Variants in POU6F2 observed in about 807,000 individuals in gnomAD.
POU6F2 encodes POU class 6 homeobox 2.
A neutral mutation model predicts 71.3 loss-of-function variants in POU6F2; 31 were observed. That is an observed-to-expected ratio of 0.43 (90% CI 0.33 to 0.59). The LOEUF is 0.59. Ranked by LOEUF, POU6F2 falls within the 20% of genes least tolerant of loss-of-function variation. POU6F2 has a pLI of 0.04. For missense variants in POU6F2, 783 were observed against 856.8 expected, an observed-to-expected ratio of 0.91 and a Z score of 1.07; for synonymous variants, 347 against 355.7, an observed-to-expected ratio of 0.98 and a Z score of 0.27.
intron 2 of POU6F2, among the ~76,000 whole-genome samples, chr7:39,125,548 A>G (rs759902953): frequency 2.6e-5 from 4 of 152,090 alleles, no homozygotes; most frequent in African/African-American, 4.8e-5. Flanking sequence ...CATTTTTTTC[A>G]TATTTCTGAG....
intron 5 of POU6F2, among the ~76,000 whole-genome samples, chr7:39,401,299 T>C (rs1787298107): frequency 6.6e-6 from 1 of 152,146 alleles, no homozygotes; most frequent in African/African-American, 2.4e-5. Flanking sequence ...ATCTAACACA[T>C]TGCCACCACT....
chr7:39,439,042 G>A (rs1583604240), intron 7 of POU6F2, among the ~76,000 whole-genome samples: 1 of 152,312 alleles, frequency 6.6e-6, no homozygotes, highest in African/African-American at 2.4e-5. Flanking sequence ...GGGTGCTCCT[G>A]TATTGGGTAC....
chr7:39,270,197 T>C (rs1413334547), intron 4 of POU6F2, among the ~76,000 whole-genome samples: 1 of 152,184 alleles, frequency 6.6e-6, no homozygotes, highest in Non-Finnish European at 1.5e-5. Flanking sequence ...AGGCTTGGTA[T>C]CCATACACGT....
At chr7:39,136,822 C>A (rs1432584695) in intron 2 of POU6F2, among the ~76,000 whole-genome samples, 3 of 149,678 alleles carry the variant, frequency 2.0e-5, no homozygotes, top group Non-Finnish European at 3.0e-5. Context: ...AGCAAGATCC[C>A]ATCTTAAAAA....
chr7:39,382,698 A>G (rs1786854231), intron 5 of POU6F2, among the ~76,000 whole-genome samples: 1 of 152,190 alleles, frequency 6.6e-6, no homozygotes, highest in African/African-American at 2.4e-5. Flanking sequence ...GCAAGAGCAA[A>G]TGTGATCATA....
rs137895963 is a variant in POU6F2, at chr7:39,106,209, A to C, written c.277+20178A>C. The stretch of plus-strand genomic sequence containing the variant: ...TAGCATTTTTGAAGTTTTGTCATTT[A>C]CAGAAACTCCATGAGGCAGATATTT... On this transcript the variant is annotated intron_variant, in intron 2 of 9. Coordinates refer to ENST00000518318, the MANE Select transcript of POU6F2 (RefSeq NM_001370959.1). 4.8e-4 allele frequency among the ~76,000 whole-genome samples: 73 copies of C among 152,316 alleles called. No homozygotes were observed. The East Asian group carries it at 0.013, about 26-fold the overall frequency.
intron 4 of POU6F2, among the ~76,000 whole-genome samples, chr7:39,321,212 A>G (rs2128769004): frequency 6.6e-6 from 1 of 152,366 alleles, no homozygotes; most frequent in Non-Finnish European, 1.5e-5. Context: ...AAAAACCACA[A>G]GATAAGGGGG....
chr7:39,399,891 A>T (rs1286611916), intron 5 of POU6F2, among the ~76,000 whole-genome samples: 2 of 151,352 alleles, frequency 1.3e-5, no homozygotes, highest in African/African-American at 4.9e-5. Context: ...AAAGAAAAAG[A>T]AAAGAAAGGT....
chr7:38,995,295 C>A (rs1225040901), intron 1 of POU6F2, among the ~76,000 whole-genome samples: 1 of 152,114 alleles, frequency 6.6e-6, no homozygotes, highest in Non-Finnish European at 1.5e-5. Flanking sequence ...AGCTGTCTTC[C>A]AAGAATTTGA....
intron 2 of POU6F2, among the ~76,000 whole-genome samples, chr7:39,177,820 A>G (rs911711441): frequency 1.3e-5 from 2 of 152,262 alleles, no homozygotes; most frequent in African/African-American, 4.8e-5. Context: ...TATTGATGCT[A>G]CATTTTAAAA....
intron 5 of POU6F2, among the ~76,000 whole-genome samples, chr7:39,392,560 T>C (rs1421711419): frequency 6.6e-6 from 1 of 152,196 alleles, no homozygotes; most frequent in Non-Finnish European, 1.5e-5. Context: ...CAAGGGATGA[T>C]TGATGGGTGG....
At chr7:39,093,612 G>A (rs544136724) in intron 2 of POU6F2, among the ~76,000 whole-genome samples, 3 of 152,074 alleles carry the variant, frequency 2.0e-5, no homozygotes, top group South Asian at 4.2e-4. Flanking sequence ...ATTGACTGAT[G>A]TACCTTCCAA....
At chr7:39,305,215 G>T (rs137894162) in intron 4 of POU6F2, among the ~76,000 whole-genome samples, 194 of 152,266 alleles carry the variant, frequency 1.3e-3, no homozygotes, top group African/African-American at 4.2e-3. Context: ...ACTTAAGAAG[G>T]TATCATTTCC....
rs1786900618 is a variant in POU6F2 at position 39,384,705 on chromosome 7, T to A, written c.973-21895T>A. On this transcript the variant is annotated intron_variant, in intron 5 of 9. Transcript: ENST00000518318. The stretch of plus-strand genomic sequence containing the variant: ...CTCACCTTCTCAGAGAGATCTCTCC[T>A]GACCACACAATTGAAAGTATCTTTT... 2.6e-5 allele frequency among the ~76,000 whole-genome samples: 4 copies of A among 152,256 alleles called. No individual in the cohort carries two copies. In the South Asian group the frequency reaches 8.3e-4, roughly 32 times the overall value.
intron 2 of POU6F2, among the ~76,000 whole-genome samples, chr7:39,167,094 T>C (rs1349019120): frequency 6.6e-6 from 1 of 152,204 alleles, no homozygotes; most frequent in African/African-American, 2.4e-5. Flanking sequence ...TAGTACTTTG[T>C]GTATATCCAA....
At chr7:39,301,991 A>G (rs1026749850) in intron 4 of POU6F2, among the ~76,000 whole-genome samples, 12 of 152,182 alleles carry the variant, frequency 7.9e-5, no homozygotes, top group Non-Finnish European at 4.4e-5. Flanking sequence ...TTCATGGATA[A>G]GATGTGCCAG....
At chr7:39,419,009 ATATATG>A (rs201482526) in intron 6 of POU6F2, among the ~76,000 whole-genome samples, 3,199 of 134,992 alleles carry the variant, frequency 0.024, 87 homozygotes, top group Non-Finnish European at 0.034. Context: ...ATATATGTGT[ATATATG>A]TATATATATG....
At chr7:39,342,012 C>T (rs1236356073) in intron 5 of POU6F2, among the ~76,000 whole-genome samples, 2 of 152,176 alleles carry the variant, frequency 1.3e-5, no homozygotes, top group Non-Finnish European at 2.9e-5. Context: ...TTCTTTGTAA[C>T]ACTGAGAGAA....
chr7:39,319,237 G>C (rs534015930), intron 4 of POU6F2, among the ~76,000 whole-genome samples: 92 of 152,322 alleles, frequency 6.0e-4, no homozygotes, highest in Non-Finnish European at 1.2e-3. Flanking sequence ...AACTGGGAAA[G>C]GGAATCTCTC....
Sources: gnomAD v4.1 joint callset for allele counts (sites outside exome capture counted in the v4.1 genomes callset) on GRCh38, gnomAD v4.1.1 for gene constraint, MANE v1.5 for transcripts, NCBI Gene and HGNC (gene_info 2026-07-23, HGNC 2026-07-21) for gene names.